The following MIDEAS variants were observed in gnomAD, a reference collection of about 807,000 sequenced individuals.
MIDEAS encodes the protein mitotic deacetylase-associated SANT domain protein.
Under a neutral mutation model 102.7 loss-of-function variants are expected in MIDEAS, and 26 were observed. That is an observed-to-expected ratio of 0.25 (90% confidence interval 0.19 to 0.35). The LOEUF is 0.35. MIDEAS is among the 10% of genes least tolerant of loss of function. The pLI is 1.00. For synonymous variants in MIDEAS, 585 were observed against 591.0 expected, an observed-to-expected ratio of 0.99 and a Z score of 0.15; for missense variants, 1,231 against 1,435.6, an observed-to-expected ratio of 0.86 and a Z score of 2.30.
chr14:73,770,951 C>A (rs1029451233), intron 1 of MIDEAS, among the ~76,000 whole-genome samples: 1 of 152,112 alleles, frequency 6.6e-6, no homozygotes, highest in Non-Finnish European at 1.5e-5. Context: ...CAGCAATGAT[C>A]AGAACCAGGC....
intron 1 of MIDEAS, among the ~76,000 whole-genome samples, chr14:73,782,962 T>C (rs1239656810): frequency 6.6e-6 from 1 of 152,204 alleles, no homozygotes; most frequent in Admixed American, 6.5e-5. Context: ...GGCTTGGGTG[T>C]CCAAGTGGAC....
At position 73,722,579 on chromosome 14, in the gene MIDEAS, C is replaced by CT. The variant is rs147408235; in HGVS notation, c.2724+118dup. The stretch of plus-strand genomic sequence containing the variant: ...GGGCTCCTTGCGGCTGTCAGGGACA[C>CT]TGTCTTCCTCAACCTGCCCTCTGCA... On this transcript the variant is annotated intron_variant, in intron 10 of 12. Coordinates refer to ENST00000423556, the MANE Select transcript of MIDEAS (RefSeq NM_001367710.1). 1.9e-4 allele frequency: 235 copies of CT among 1,256,102 alleles called. No homozygotes were observed. The African/African-American group carries it at 2.8e-3, about 15-fold the overall frequency. 77.8% of individuals were successfully genotyped at this position (1,256,102 alleles called of 1,614,324 possible).
rs533625953 is a variant in MIDEAS, at chr14:73,777,301, T to C, written c.-248+9801A>G. ...ATGGCTTTGGTTCCAGCCACCCAAC[T>C]TTCCACAAGTCCTGATCAATTTCTG... On this transcript the variant is annotated intron_variant, in intron 1 of 11. Transcript: ENST00000394071. Among the ~76,000 whole-genome samples the C allele has an allele frequency of 6.6e-5, 10 of 152,048 alleles. No homozygotes were observed. The East Asian group carries it at 1.8e-3, about 27-fold the overall frequency.
At chr14:73,775,365 A>C (rs548403234) in intron 1 of MIDEAS, among the ~76,000 whole-genome samples, 22 of 152,196 alleles carry the variant, frequency 1.4e-4, no homozygotes, top group Admixed American at 8.5e-4. Flanking sequence ...AAAATAATTC[A>C]GGTTCTTCAA....
intron 1 of MIDEAS, among the ~76,000 whole-genome samples, chr14:73,745,608 G>A (rs149486355): frequency 2.0e-5 from 3 of 152,288 alleles, no homozygotes; most frequent in African/African-American, 4.8e-5. Flanking sequence ...AGCCAGACTC[G>A]GTAAATGGCC....
chr14:73,756,267 AGTGTGTGTGTGT>A (rs772519833), intron 1 of MIDEAS, among the ~76,000 whole-genome samples: 8 of 141,130 alleles, frequency 5.7e-5, no homozygotes, highest in African/African-American at 1.3e-4. Flanking sequence ...AGCCCATGTC[AGTGTGTGTGTGT>A]GTGTGTGTGT....
rs779012214 is a variant in MIDEAS at position 73,718,839 on chromosome 14, G to A, written c.*4C>T. The A allele has an allele frequency of 1.4e-6, 2 of 1,448,078 alleles. No homozygotes were observed. The highest frequency in any genetic ancestry group is 9.0e-7 in the Non-Finnish European group (1 of 1,109,322). The allele number at this position is 1,448,078 out of a possible 1,614,324, so 89.7% of individuals were successfully genotyped here. A position where few individuals can be genotyped will look rare whatever the true frequency, so the allele number is the denominator to read the frequency against. On this transcript the variant is annotated 3_prime_UTR_variant, in exon 13 of 13. Coordinates refer to ENST00000423556, the MANE Select transcript of MIDEAS (RefSeq NM_001367710.1). Reference sequence around the variant, plus strand: ...CCAGGACTGGGCCAGCCTGGCTCCCGCGCTCAGCCCTTGTCGCCCGCACCG... The same window carrying A: ...CCAGGACTGGGCCAGCCTGGCTCCCACGCTCAGCCCTTGTCGCCCGCACCG...
At chr14:73,789,737 G>A (rs1460729437), upstream of MIDEAS, 2 of 152,236 alleles carry the variant, frequency 1.3e-5, no homozygotes, top group Non-Finnish European at 2.9e-5. Flanking sequence ...TCCTTTTGCA[G>A]AGCGAGGGTC....
chr14:73,773,890 T>C (rs2053665063), intron 1 of MIDEAS, among the ~76,000 whole-genome samples: 2 of 151,308 alleles, frequency 1.3e-5, no homozygotes, highest in African/African-American at 4.8e-5. Context: ...GGCATGGTGG[T>C]GGGCGCCTGT....
rs2053290512 is a variant in MIDEAS at position 73,742,213 on chromosome 14, CG to C, written c.-247-1959del. On this transcript the variant is annotated intron_variant, in intron 1 of 12. Transcript: ENST00000423556. The surrounding 1 kb of genome is among the most constrained non-coding windows in gnomAD (Gnocchi z 4.4). Reference sequence around the variant, plus strand: ...AATGTGCGCCAGCCTGGCAAGCCCACGTGCCTCCAGGGGGCTGCGAGCCCCT... The same window carrying C: ...AATGTGCGCCAGCCTGGCAAGCCCACTGCCTCCAGGGGGCTGCGAGCCCCT... 1.3e-5 allele frequency among the ~76,000 whole-genome samples: 2 copies of C among 152,258 alleles called. No individual in the cohort carries two copies. The highest frequency in any genetic ancestry group is 4.1e-4 in the South Asian group (2 of 4,832).
At position 73,760,250 on chromosome 14, in the gene MIDEAS, C is replaced by G. The variant is rs1183124175; in HGVS notation, c.-735G>C. 6.6e-6 allele frequency: 1 copy of G among 152,366 alleles called. No individual in the cohort carries two copies. The highest frequency in any genetic ancestry group is 1.5e-5 in the Non-Finnish European group (1 of 68,166). 9.4% of individuals were successfully genotyped at this position (152,366 alleles called of 1,614,324 possible). A position where few individuals can be genotyped will look rare whatever the true frequency, so the allele number is the denominator to read the frequency against. On this transcript the variant is annotated 5_prime_UTR_variant, in exon 1 of 13. Coordinates refer to ENST00000423556, the MANE Select transcript of MIDEAS (RefSeq NM_001367710.1). This position sits in a 1 kb window ranked among gnomAD's most constrained non-coding sequence, Gnocchi z 4.8. ...GAGCGCGGAGCGCCCAGCGGCCGGC[C>G]GGCGCGCGCGGCACCGCGGCGAGCA...
At chr14:73,754,839 T>A (rs746492209) in intron 1 of MIDEAS, 1 of 152,176 alleles carries the variant, frequency 6.6e-6, no homozygotes, top group African/African-American at 2.4e-5. Context: ...CTGGCAACGG[T>A]AAGTTGGATA....
chr14:73,756,267 A>AGTGTGTGT lies in MIDEAS; in HGVS notation c.-248+3488_-248+3495dup, dbSNP rs772519833. 4.1e-3 allele frequency among the ~76,000 whole-genome samples: 582 copies of AGTGTGTGT among 141,118 alleles called. 4 individuals are homozygous for AGTGTGTGT. The highest frequency in any genetic ancestry group is 0.014 in the African/African-American group (522 of 38,360). The allele number at this position is 141,118 out of a possible 152,430, so 92.6% of individuals were successfully genotyped here. On this transcript the variant is annotated intron_variant, in intron 1 of 12. Transcript: ENST00000423556. ...GTGTGTGACTGCGAGAGCCCATGTCAGTGTGTGTGTGTGTGTGTGTGTGTG... is the reference window on the plus strand; with the variant it reads ...GTGTGTGACTGCGAGAGCCCATGTCAGTGTGTGTGTGTGTGTGTGTGTGTGTGTGTGTG...
chr14:73,719,007 C>T lies in MIDEAS; in HGVS notation c.3136G>A (p.Val1046Met). Residue 1046 changes from valine to methionine, a missense_variant and splice_region_variant, in exon 13 of 13, where the codon GTG (valine) becomes ATG (methionine). Val to Met is a conservative substitution (Grantham distance 21). Around this residue, in one of 5 missense-constraint regions of MIDEAS, gnomAD observed 391 missense variants for 483.0 expected, o/e 0.81. Coordinates refer to ENST00000423556, the MANE Select transcript of MIDEAS (RefSeq NM_001367710.1). ...NTFPCKKCGR[V>M]FYKVKSRSAH... ...CTGCGGCTCTTCACCTTGTAAAACA[C>T]CCTGCAGCCGGGTGGGGGTTGCTCA... is the stretch of plus-strand genomic sequence containing the variant. 2 of 1,478,298 alleles carry T rather than the reference C, an allele frequency of 1.4e-6. No homozygotes were observed. The highest frequency in any genetic ancestry group is 1.8e-6 in the Non-Finnish European group (2 of 1,122,182). 91.6% of individuals were successfully genotyped at this position (1,478,298 alleles called of 1,614,324 possible).
rs1181222790 is a variant in MIDEAS at position 73,737,194 on chromosome 14, T to A, written c.1553A>T (p.Glu518Val). The A allele has an allele frequency of 6.2e-7, 1 of 1,614,034 alleles. No homozygotes were observed. The highest frequency in any genetic ancestry group is 1.7e-5 in the Admixed American group (1 of 60,008). ...EPSLATKRAREDSGMVPLIIP... is the reference protein window; with the variant it reads ...EPSLATKRARVDSGMVPLIIP... ...GATGAGGGGTACCATCCCACTGTCT[T>A]CTCGTGCTCGCTTGGTGGCTAAGGA... Residue 518 changes from glutamate to valine, a missense_variant, in exon 3 of 13, where the codon GAA becomes GTA. Around this residue, in one of 5 missense-constraint regions of MIDEAS, gnomAD observed 758 missense variants for 856.0 expected, o/e 0.89. Coordinates refer to ENST00000423556, the MANE Select transcript of MIDEAS (RefSeq NM_001367710.1).
Position 73,719,463 on chromosome 14 carries a change from G to A in MIDEAS, c.2976C>T (p.Asn992=). 1 of 1,613,964 alleles carries A rather than the reference G, an allele frequency of 6.2e-7. No individual in the cohort carries two copies. The highest frequency in any genetic ancestry group is 8.5e-7 in the Non-Finnish European group (1 of 1,179,986). ...DILILRSHES[N]APGSAGGQAS... ...CCTGGCCACCGGCAGACCCAGGGGCGTTGGACTCGTGGCTCCGGAGGATGA... is the reference window on the plus strand; with the variant it reads ...CCTGGCCACCGGCAGACCCAGGGGCATTGGACTCGTGGCTCCGGAGGATGA... Residue 992 remains asparagine, a synonymous_variant, in exon 12 of 13, where the codon AAC becomes AAT. Transcript: ENST00000423556.
In MIDEAS at chr14:73,740,060, C is replaced by G. The variant is rs765517849; in HGVS notation, c.-52G>C. 1.4e-6 allele frequency: 2 copies of G among 1,421,036 alleles called. No individual in the cohort carries two copies. Among genetic ancestry groups the G allele is most frequent in the Non-Finnish European group, 1.8e-6 (2 of 1,085,500 alleles). The allele number at this position is 1,421,036 out of a possible 1,614,324, so 88.0% of individuals were successfully genotyped here. A position where few individuals can be genotyped will look rare whatever the true frequency, so the allele number is the denominator to read the frequency against. ...GAGATCCCCTTCAACAGTCGCCCAT[C>G]CCCTGGGGAAACGTCCTGCTGGAAG... On this transcript the variant is annotated 5_prime_UTR_variant, in exon 2 of 13. Coordinates refer to ENST00000423556, the MANE Select transcript of MIDEAS (RefSeq NM_001367710.1).
intron 3 of MIDEAS, among the ~76,000 whole-genome samples, chr14:73,730,347 A>G (rs1397735388): frequency 6.6e-6 from 1 of 152,216 alleles, no homozygotes; most frequent in East Asian, 1.9e-4. Flanking sequence ...CCTCTGCTGT[A>G]AAGTGTGTGA....
upstream of MIDEAS, chr14:73,789,263 C>T (rs1452036058): frequency 6.6e-6 from 1 of 152,120 alleles, no homozygotes; most frequent in Non-Finnish European, 1.5e-5. Flanking sequence ...ATACTGGGTC[C>T]TCTCTATGCC....
Sources: gnomAD v4.1 joint callset for allele counts (sites outside exome capture counted in the v4.1 genomes callset) on GRCh38, gnomAD v4.1.1 for gene constraint, gnomAD v4.1.1 regional missense constraint, Gnocchi (gnomAD v3.1) non-coding constraint, MANE v1.5 for transcripts, NCBI Gene and HGNC (gene_info 2026-07-23, HGNC 2026-07-21) for gene names.